CCDC7: variants seen among roughly 807,000 people sequenced by gnomAD.
CCDC7 encodes the protein coiled-coil domain-containing protein 7.
A neutral mutation model predicts 196.9 loss-of-function variants in CCDC7; 183 were observed. The observed-to-expected ratio is 0.93, with a 90% confidence interval of 0.82 to 1.05. The LOEUF is 1.05. Among genes scored for constraint, CCDC7 ranks in the 50% least tolerant of loss-of-function variants. The probability of loss-of-function intolerance (pLI) is 0.00; values close to 1 mark genes in which losing one functional copy is unlikely to be tolerated. For synonymous variants in CCDC7, 525 were observed against 484.6 expected (o/e 1.08, Z -1.10); for missense variants, 1,540 against 1,482.2 (o/e 1.04, Z -0.64).
intron 21 of CCDC7, among the ~76,000 whole-genome samples, chr10:32,674,855 T>C (rs983087094): frequency 7.9e-5 from 12 of 152,078 alleles, no homozygotes; most frequent in Non-Finnish European, 1.8e-4. Context: ...GGTGACCTTT[T>C]TTTTGTCTCT....
intron 8 of CCDC7, among the ~76,000 whole-genome samples, chr10:32,489,057 T>C (rs1236295452): frequency 6.6e-6 from 1 of 152,206 alleles, no homozygotes; most frequent in Non-Finnish European, 1.5e-5. Flanking sequence ...TCTCTTTTAC[T>C]TCCCTAAGGG....
At chr10:32,456,366 A>T in intron 3 of CCDC7, 32 bp downstream of exon 4, 1 of 1,438,248 alleles carries the variant, frequency 7.0e-7, no homozygotes, top group Non-Finnish European at 9.3e-7. Context: ...TCAAGTATAA[A>T]ATATCAAACT....
chr10:32,860,187 C>T (rs2093926120), intron 41 of CCDC7, among the ~76,000 whole-genome samples: 1 of 152,174 alleles, frequency 6.6e-6, no homozygotes, highest in Non-Finnish European at 1.5e-5. Context: ...AAACCGAATC[C>T]AGCAGCGCAT....
At chr10:32,574,779 A>G (rs1318971017) in intron 16 of CCDC7, among the ~76,000 whole-genome samples, 1 of 152,174 alleles carries the variant, frequency 6.6e-6, no homozygotes, top group African/African-American at 2.4e-5. Context: ...GTTCTTTCTA[A>G]ATACTTTCAT....
intron 24 of CCDC7, among the ~76,000 whole-genome samples, chr10:32,697,845 A>G (rs2077983696): frequency 6.6e-6 from 1 of 152,168 alleles, no homozygotes; most frequent in Admixed American, 6.5e-5. Flanking sequence ...ATGGAGTTTG[A>G]GATCTGAGAA....
rs767970561 is a variant in CCDC7 at position 32,854,426 on chromosome 10, C to CA, written c.4054dup (p.Thr1352AsnfsTer3). 174 of 1,606,688 alleles carry CA rather than the reference C, an allele frequency of 1.1e-4. No individual in the cohort carries two copies. Among genetic ancestry groups the CA allele is most frequent in the Non-Finnish European group, 1.5e-4 (171 of 1,175,222 alleles). ...GCATTCGAAAGTTGTTACCTTAAGC[C>CA]AAAAAACTATTGAATTTACTCTGCC... On this transcript the variant is annotated frameshift_variant, in exon 41 of 42. Coordinates refer to ENST00000639629, the Ensembl canonical transcript of CCDC7. LOFTEE classifies it high-confidence loss of function.
At chr10:32,654,807 G>C (rs1463403787) in intron 20 of CCDC7, among the ~76,000 whole-genome samples, 1 of 152,178 alleles carries the variant, frequency 6.6e-6, no homozygotes, top group Non-Finnish European at 1.5e-5. Context: ...CCTGTGCACA[G>C]CCCTACATAT....
At chr10:32,820,328 G>A (rs749333199) in intron 31 of CCDC7, among the ~76,000 whole-genome samples, 15 of 152,178 alleles carry the variant, frequency 9.9e-5, no homozygotes, top group Non-Finnish European at 2.1e-4. Context: ...CAAACAAATG[G>A]AAGAACATTC....
intron 10 of CCDC7, among the ~76,000 whole-genome samples, chr10:32,518,205 TAC>T (rs1376631145): frequency 2.6e-5 from 4 of 152,068 alleles, no homozygotes; most frequent in Admixed American, 2.6e-4. Flanking sequence ...TATAATATCC[TAC>T]AGTCATCTGA....
intron 18 of CCDC7, among the ~76,000 whole-genome samples, chr10:32,595,574 C>T (rs1045606826): frequency 1.3e-5 from 2 of 152,044 alleles, no homozygotes; most frequent in Non-Finnish European, 2.9e-5. Context: ...TTATTTCTTG[C>T]CTTCTGCAAG....
At chr10:32,790,766 G>A (rs2082568167) in intron 29 of CCDC7, among the ~76,000 whole-genome samples, 1 of 152,172 alleles carries the variant, frequency 6.6e-6, no homozygotes, top group Non-Finnish European at 1.5e-5. Context: ...CTACTGAAGA[G>A]TGCCTCAGAG....
intron 21 of CCDC7, among the ~76,000 whole-genome samples, chr10:32,666,479 A>C (rs1467566804): frequency 2.0e-5 from 3 of 151,774 alleles, no homozygotes; most frequent in Non-Finnish European, 4.4e-5. Context: ...TGCACCCATT[A>C]ACTTGTCATT....
upstream of CCDC7, among the ~76,000 whole-genome samples, chr10:32,448,503 T>A (rs1273234694): frequency 1.3e-5 from 2 of 152,122 alleles, no homozygotes; most frequent in East Asian, 3.8e-4. Context: ...TATTAGTTTT[T>A]AAAACTTTAT....
upstream of CCDC7, among the ~76,000 whole-genome samples, chr10:32,451,340 C>A (rs1036975691): frequency 6.6e-6 from 1 of 152,114 alleles, no homozygotes; most frequent in Non-Finnish European, 1.5e-5. Flanking sequence ...AATTATGGAG[C>A]TTTTACTGTT....
intron 10 of CCDC7, among the ~76,000 whole-genome samples, 178 bp from the exon 12 acceptor site, chr10:32,518,238 G>A (rs564340119): frequency 1.8e-4 from 27 of 152,126 alleles, no homozygotes; most frequent in Non-Finnish European, 7.4e-5. Flanking sequence ...TCCTTGACAC[G>A]TGTAGATCTT....
intron 31 of CCDC7, among the ~76,000 whole-genome samples, chr10:32,821,337 A>T (rs200103137): frequency 0.068 from 10,325 of 152,128 alleles, 496 homozygotes; most frequent in Non-Finnish European, 0.11. Context: ...GATGTGGAGA[A>T]ATAGGAACAC....
chr10:32,679,070 T>G (rs2075461959), intron 21 of CCDC7, among the ~76,000 whole-genome samples: 1 of 152,166 alleles, frequency 6.6e-6, no homozygotes, highest in Admixed American at 6.5e-5. Flanking sequence ...TCATAGAAAT[T>G]TTTAACTTTG....
At chr10:32,465,968 T>A (rs1044064559) in intron 5 of CCDC7, among the ~76,000 whole-genome samples, 2 of 152,204 alleles carry the variant, frequency 1.3e-5, no homozygotes, top group African/African-American at 4.8e-5. Flanking sequence ...TATCCACAAG[T>A]CCTCTGGGTT....
At chr10:32,585,895 T>TG (rs1235792803) in intron 18 of CCDC7, among the ~76,000 whole-genome samples, 1 of 152,208 alleles carries the variant, frequency 6.6e-6, no homozygotes, top group Admixed American at 6.5e-5. Flanking sequence ...TACCGAGTAA[T>TG]GGGATTGCCG....
Sources: gnomAD v4.1 joint callset for allele counts (sites outside exome capture counted in the v4.1 genomes callset) on GRCh38, gnomAD v4.1.1 for gene constraint, MANE v1.5 for transcripts, NCBI Gene and HGNC (gene_info 2026-07-23, HGNC 2026-07-21) for gene names.